The following ZNF704 variants were observed in gnomAD, a reference collection of about 807,000 sequenced individuals.
ZNF704 encodes zinc finger protein 704, also known as glucocorticoid induced gene 1.
ZNF704 carries 10 observed loss-of-function variants against 44.7 expected under a neutral mutation model. The observed-to-expected ratio is 0.22, with a 90% CI of 0.14 to 0.38. ZNF704 has a LOEUF of 0.38. ZNF704 is among the 10% of genes least tolerant of loss of function. The pLI is 1.00. For missense variants in ZNF704, 390 were observed against 545.5 expected (o/e 0.71, Z 2.84); for synonymous variants, 211 against 207.6 (o/e 1.02, Z -0.14).
At chr8:80,872,856 T>G (rs1027949937) in intron 1 of ZNF704, among the ~76,000 whole-genome samples, 2 of 152,274 alleles carry the variant, frequency 1.3e-5, no homozygotes, top group African/African-American at 4.8e-5. Flanking sequence ...TTCCTCTTTT[T>G]TTCTCATTTG....
intron 2 of ZNF704, among the ~76,000 whole-genome samples, chr8:80,704,405 C>T (rs1056517792): frequency 7.2e-5 from 11 of 152,218 alleles, no homozygotes; most frequent in Admixed American, 2.0e-4. Flanking sequence ...TTGTTTTCCT[C>T]CATCCCTGTC....
chr8:80,668,559 C>A (rs182250453), intron 5 of ZNF704, among the ~76,000 whole-genome samples: 62 of 152,316 alleles, frequency 4.1e-4, no homozygotes, highest in Non-Finnish European at 7.2e-4. Context: ...GCAGGTTGAG[C>A]TGCTGCTGGC....
At chr8:80,710,956 G>C (rs1186944806) in intron 2 of ZNF704, among the ~76,000 whole-genome samples, 1 of 152,164 alleles carries the variant, frequency 6.6e-6, no homozygotes, top group Non-Finnish European at 1.5e-5. Context: ...GGCAAGTAGA[G>C]AGGGTACCAG....
intron 2 of ZNF704, among the ~76,000 whole-genome samples, chr8:80,742,696 C>A (rs1806780570): frequency 6.6e-6 from 1 of 152,088 alleles, no homozygotes; most frequent in East Asian, 1.9e-4. Flanking sequence ...ACCGAGGACC[C>A]CTGGACCAGC....
intron 7 of ZNF704, among the ~76,000 whole-genome samples, chr8:80,643,746 T>C (rs577218029): frequency 1.3e-5 from 2 of 152,298 alleles, no homozygotes; most frequent in Non-Finnish European, 2.9e-5. Flanking sequence ...TTTTAAATCT[T>C]AAAGTACATT....
intron 4 of ZNF704, among the ~76,000 whole-genome samples, chr8:80,681,167 C>T (rs999260630): frequency 6.6e-5 from 10 of 152,106 alleles, no homozygotes; most frequent in Non-Finnish European, 1.5e-4. Flanking sequence ...ATGAATAAAG[C>T]TGCTATAAAC....
intron 2 of ZNF704, among the ~76,000 whole-genome samples, chr8:80,771,982 A>G (rs10088353): frequency 0.031 from 4,778 of 152,310 alleles, 257 homozygotes; most frequent in African/African-American, 0.11. Flanking sequence ...GGTGATTAAT[A>G]GGCTCACGAC....
At chr8:80,705,241 G>T (rs889911177) in intron 2 of ZNF704, among the ~76,000 whole-genome samples, 2 of 152,128 alleles carry the variant, frequency 1.3e-5, no homozygotes, top group African/African-American at 4.8e-5. Context: ...AGGGAACACA[G>T]CAAATTCCTG....
chr8:80,770,724 C>G lies in ZNF704; in HGVS notation c.221+50650G>C, dbSNP rs761378135. On this transcript the variant is annotated intron_variant, in intron 2 of 8. Transcript: ENST00000327835. ...TGATAGAGTGCAATTTACAGTTTTT[C>G]GTTTTAGGGACTGTGGCTTTAGTGT... 8.5e-5 allele frequency among the ~76,000 whole-genome samples: 13 copies of G among 152,138 alleles called. 1 individual carries two copies. The Middle Eastern group carries it at 0.02, about 239-fold the overall frequency.
chr8:80,659,738 C>T (rs369728441), intron 6 of ZNF704, 49 bp from the exon 7 acceptor site: 28 of 1,558,368 alleles, frequency 1.8e-5, no homozygotes, highest in Admixed American at 8.4e-5. Context: ...TATTTTCCTT[C>T]GGAGCTTTAA....
intron 2 of ZNF704, among the ~76,000 whole-genome samples, chr8:80,739,181 A>G (rs900408952): frequency 6.6e-6 from 1 of 152,208 alleles, no homozygotes; most frequent in Admixed American, 6.5e-5. Flanking sequence ...GTCATACATA[A>G]TAAGTCATTT....
chr8:80,818,572 T>C (rs1210947036), intron 2 of ZNF704, among the ~76,000 whole-genome samples: 1 of 152,232 alleles, frequency 6.6e-6, no homozygotes, highest in African/African-American at 2.4e-5. Flanking sequence ...TGTTATACTG[T>C]ATTGTTTAGG....
chr8:80,703,234 T>C (rs1300575503), intron 2 of ZNF704, among the ~76,000 whole-genome samples: 1 of 152,042 alleles, frequency 6.6e-6, no homozygotes, highest in East Asian at 1.9e-4. Context: ...GTGAATAAGC[T>C]GTGCCCTCTG....
At chr8:80,745,142 G>A (rs928484512) in intron 2 of ZNF704, among the ~76,000 whole-genome samples, 2 of 151,986 alleles carry the variant, frequency 1.3e-5, no homozygotes, top group Non-Finnish European at 2.9e-5. Context: ...CCTTAGTTTC[G>A]CTGTAAATAT....
At chr8:80,780,080 T>G (rs756797362) in intron 2 of ZNF704, among the ~76,000 whole-genome samples, 11 of 151,744 alleles carry the variant, frequency 7.2e-5, no homozygotes, top group Non-Finnish European at 1.3e-4. Context: ...GTGATAAGGA[T>G]GGAGGAACAA....
At chr8:80,696,109 G>T (rs1331675812) in intron 2 of ZNF704, among the ~76,000 whole-genome samples, 1 of 152,168 alleles carries the variant, frequency 6.6e-6, no homozygotes, top group African/African-American at 2.4e-5. Context: ...TAAACATGAA[G>T]AGATGATATA....
rs188330984 is a variant in ZNF704, at chr8:80,748,914, T to C, written c.222-55807A>G. Among the ~76,000 whole-genome samples the C allele has an allele frequency of 5.3e-3, 805 of 152,332 alleles. 6 individuals are homozygous for C. The highest frequency in any genetic ancestry group is 0.019 in the African/African-American group (774 of 41,562). ...AAACGCAGAAATTCCATTCAAACCCTGGTTCATTTAACAAATACTTATTTA... is the reference window on the plus strand; with the variant it reads ...AAACGCAGAAATTCCATTCAAACCCCGGTTCATTTAACAAATACTTATTTA... On this transcript the variant is annotated intron_variant, in intron 2 of 8. Transcript: ENST00000327835.
intron 1 of ZNF704, among the ~76,000 whole-genome samples, chr8:80,851,807 C>T (rs911667875): frequency 6.6e-6 from 1 of 152,158 alleles, no homozygotes; most frequent in Non-Finnish European, 1.5e-5. Context: ...CTGGCCGAAA[C>T]ATTGTTATGT....
intron 1 of ZNF704, among the ~76,000 whole-genome samples, chr8:80,838,643 G>C (rs928238438): frequency 2.0e-5 from 3 of 150,690 alleles, no homozygotes; most frequent in African/African-American, 7.4e-5. Context: ...GAGTTAGGGA[G>C]GGGGAGGAGG....
Sources: gnomAD v4.1 joint callset for allele counts (sites outside exome capture counted in the v4.1 genomes callset) on GRCh38, gnomAD v4.1.1 for gene constraint, MANE v1.5 for transcripts, NCBI Gene and HGNC (gene_info 2026-07-23, HGNC 2026-07-21) for gene names.